RAD51B: variants seen among roughly 807,000 people sequenced by gnomAD.
The protein encoded by RAD51B is DNA repair protein RAD51 homolog 2.
RAD51B carries 38 observed loss-of-function variants against 42.2 expected under a neutral mutation model. That is an observed-to-expected ratio of 0.90 (90% CI 0.70 to 1.18). The LOEUF is 1.18. Ranked by LOEUF, RAD51B falls within the 50% of genes most tolerant of loss-of-function variation. RAD51B has a pLI of 0.00. For synonymous variants in RAD51B, 154 were observed against 145.2 expected, an observed-to-expected ratio of 1.06 and a Z score of -0.43; for missense variants, 373 against 400.7, an observed-to-expected ratio of 0.93 and a Z score of 0.59.
At position 68,359,549 on chromosome 14, in the gene RAD51B, G is replaced by A. The variant is rs138775188; in HGVS notation, c.854-51875G>A. On this transcript the variant is annotated intron_variant, in intron 8 of 10. Transcript: ENST00000471583. ...CAGCTGCTGCCTGAAATCACAGCGC[G>A]TGGGTACTGGGCAGCCAGACCAGAT... Among the ~76,000 whole-genome samples, 888 of 152,280 alleles carry A rather than the reference G, an allele frequency of 5.8e-3. 2 individuals are homozygous for A. The highest frequency in any genetic ancestry group is 0.024 in the Middle Eastern group (7 of 294).
intron 10 of RAD51B, among the ~76,000 whole-genome samples, chr14:68,530,341 G>C (rs182755583): frequency 1.3e-5 from 2 of 150,252 alleles, no homozygotes; most frequent in Non-Finnish European, 3.0e-5. Flanking sequence ...CAGCTTCTTC[G>C]AGGGCTGATA....
At chr14:68,516,272 A>G (rs1886146859) in intron 10 of RAD51B, among the ~76,000 whole-genome samples, 1 of 152,238 alleles carries the variant, frequency 6.6e-6, no homozygotes. Context: ...ATTAACATTT[A>G]GTAATTTATT....
At chr14:68,462,960 C>T (rs2085881982) in intron 9 of RAD51B, among the ~76,000 whole-genome samples, 3 of 152,222 alleles carry the variant, frequency 2.0e-5, no homozygotes, top group Admixed American at 2.0e-4. Flanking sequence ...CCAACTTTCA[C>T]ACATTGCACA....
At chr14:68,470,002 G>C (rs1178819500) in intron 10 of RAD51B, among the ~76,000 whole-genome samples, 1 of 152,192 alleles carries the variant, frequency 6.6e-6, no homozygotes, top group Non-Finnish European at 1.5e-5. Context: ...TAAGAGGGAA[G>C]AGAAAGTTAT....
rs78687404 is a variant in RAD51B, at chr14:68,629,312, G to C, written c.1037-21469G>C. On this transcript the variant is annotated intron_variant, in intron 10 of 11. Coordinates refer to the RAD51B transcript ENST00000488612. ...TCAGGTGTTTACCTGCTGCTGCAGA[G>C]GAGGAGTTTTTGCATTGTCTCCAGG... 8.3e-3 allele frequency among the ~76,000 whole-genome samples: 1,260 copies of C among 152,312 alleles called. 17 individuals are homozygous for C. Among genetic ancestry groups the C allele is most frequent in the African/African-American group, 0.029 (1,199 of 41,558 alleles).
chr14:68,281,766 A>T (rs1443044031), intron 7 of RAD51B, among the ~76,000 whole-genome samples: 2 of 152,234 alleles, frequency 1.3e-5, no homozygotes, highest in East Asian at 3.8e-4. Flanking sequence ...TAGCACCCAC[A>T]TGCAGTTGTA....
chr14:68,004,097 G>T (rs780160847), intron 7 of RAD51B, among the ~76,000 whole-genome samples: 1 of 151,962 alleles, frequency 6.6e-6, no homozygotes, highest in Non-Finnish European at 1.5e-5. Flanking sequence ...TTGGGAGGCC[G>T]AGGTGGGCGG....
intron 9 of RAD51B, among the ~76,000 whole-genome samples, chr14:68,467,202 A>C (rs970044504): frequency 7.9e-5 from 12 of 152,256 alleles, no homozygotes; most frequent in African/African-American, 2.7e-4. Flanking sequence ...AGATGTGATA[A>C]TGGCTTAATG....
rs913225496 is a variant in RAD51B, at chr14:68,214,263, G to C, written c.757-77621G>C. ...AAAAATTCTTTTTGGTATCCTTGAA[G>C]TGGGCTGAAACAAAAAAGATCAAAA... is the stretch of plus-strand genomic sequence containing the variant. On this transcript the variant is annotated intron_variant, in intron 7 of 10. Coordinates refer to ENST00000471583, the MANE Select transcript of RAD51B (RefSeq NM_133510.4). 2.6e-5 allele frequency among the ~76,000 whole-genome samples: 4 copies of C among 152,186 alleles called. No individual in the cohort carries two copies. In the South Asian group the frequency reaches 8.3e-4, roughly 31 times the overall value.
chr14:68,450,337 G>A (rs2085527129), intron 9 of RAD51B, among the ~76,000 whole-genome samples: 1 of 150,012 alleles, frequency 6.7e-6, no homozygotes, highest in African/African-American at 2.5e-5. Context: ...TTCTGCCTCA[G>A]CGTCTCGAGT....
At chr14:68,601,867 C>T (rs189400007) in intron 10 of RAD51B, among the ~76,000 whole-genome samples, 1 of 152,246 alleles carries the variant, frequency 6.6e-6, no homozygotes, top group Admixed American at 6.5e-5. Context: ...CTGTCATTCC[C>T]ACAAGCCCAA....
intron 8 of RAD51B, among the ~76,000 whole-genome samples, chr14:68,354,178 G>A (rs1189386422): frequency 6.8e-6 from 1 of 148,012 alleles, no homozygotes; most frequent in Non-Finnish European, 1.5e-5. Context: ...AAGAACTTTT[G>A]TGTCTTCCAA....
intron 7 of RAD51B, among the ~76,000 whole-genome samples, chr14:67,994,623 C>T (rs1165747942): frequency 2.0e-5 from 3 of 152,132 alleles, no homozygotes; most frequent in Non-Finnish European, 4.4e-5. Flanking sequence ...GAGGGGTCAC[C>T]ACTGATTGAT....
intron 7 of RAD51B, among the ~76,000 whole-genome samples, chr14:67,980,271 C>T (rs73282490): frequency 0.015 from 2,209 of 152,112 alleles, 58 homozygotes; most frequent in African/African-American, 0.05. Flanking sequence ...ATGGCAAATC[C>T]CTGTCTCTAC....
intron 7 of RAD51B, among the ~76,000 whole-genome samples, chr14:68,001,244 G>A (rs577422949): frequency 3.9e-5 from 6 of 152,230 alleles, no homozygotes; most frequent in African/African-American, 1.4e-4. Context: ...AATCATATAT[G>A]CAGTAGCAGT....
intron 8 of RAD51B, among the ~76,000 whole-genome samples, chr14:68,351,749 A>G (rs559737661): frequency 6.6e-6 from 1 of 152,322 alleles, no homozygotes; most frequent in African/African-American, 2.4e-5. Flanking sequence ...CAGGGAGCAG[A>G]ACACAGTGGG....
At chr14:68,672,221 A>C (rs1212482148) in intron 11 of RAD51B, among the ~76,000 whole-genome samples, 1 of 152,178 alleles carries the variant, frequency 6.6e-6, no homozygotes, top group Non-Finnish European at 1.5e-5. Flanking sequence ...CTTTCCATGC[A>C]ATCTGGACAA....
At chr14:68,505,330 G>T (rs1027329823) in intron 10 of RAD51B, among the ~76,000 whole-genome samples, 1 of 152,126 alleles carries the variant, frequency 6.6e-6, no homozygotes, top group Non-Finnish European at 1.5e-5. Context: ...CTGCCACAGA[G>T]GTGAGTGGGG....
At chr14:68,259,566 T>G (rs767892083) in intron 7 of RAD51B, among the ~76,000 whole-genome samples, 14 of 152,150 alleles carry the variant, frequency 9.2e-5, no homozygotes, top group Non-Finnish European at 1.9e-4. Flanking sequence ...GCATTTATCT[T>G]TTTTTTAAGA....
Sources: allele counts gnomAD v4.1 joint callset (sites outside exome capture counted in the v4.1 genomes callset), GRCh38; gene constraint gnomAD v4.1.1; transcripts MANE v1.5; gene names NCBI Gene and HGNC (gene_info 2026-07-23, HGNC 2026-07-21).